The following PTPN13 variants were observed in gnomAD, a reference collection of about 807,000 sequenced individuals.
The protein encoded by PTPN13 is tyrosine-protein phosphatase non-receptor type 13.
PTPN13 carries 191 observed loss-of-function variants against 284.0 expected under a neutral mutation model. That is an observed-to-expected ratio of 0.67 (90% confidence interval 0.60 to 0.76). The LOEUF (loss-of-function observed/expected upper bound fraction) is 0.76. PTPN13 is among the 30% of genes least tolerant of loss of function. The pLI, the probability that PTPN13 is intolerant of heterozygous loss-of-function variation, is 0.00. For synonymous variants in PTPN13, 986 were observed against 1,022.3 expected, an observed-to-expected ratio of 0.96 and a Z score of 0.68; for missense variants, 2,797 against 2,939.9, an observed-to-expected ratio of 0.95 and a Z score of 1.12.
At chr4:86,638,281 C>T (rs1267619088) in intron 2 of PTPN13, among the ~76,000 whole-genome samples, 2 of 152,116 alleles carry the variant, frequency 1.3e-5, no homozygotes, top group Non-Finnish European at 2.9e-5. Flanking sequence ...TCAATGCCAT[C>T]CCCATCAAGC....
At chr4:86,616,910 G>T (rs1720613264) in intron 1 of PTPN13, among the ~76,000 whole-genome samples, 1 of 152,176 alleles carries the variant, frequency 6.6e-6, no homozygotes, top group Non-Finnish European at 1.5e-5. Flanking sequence ...TTAATTAAGA[G>T]TCACCAAGAC....
intron 35 of PTPN13, among the ~76,000 whole-genome samples, chr4:86,778,785 A>C (rs1267275888): frequency 6.6e-6 from 1 of 152,178 alleles, no homozygotes; most frequent in Non-Finnish European, 1.5e-5. Flanking sequence ...CGTTAAATTT[A>C]CAGATTTTTT....
chr4:86,746,472 G>C (rs538674937), intron 17 of PTPN13, among the ~76,000 whole-genome samples: 11 of 152,204 alleles, frequency 7.2e-5, no homozygotes, highest in African/African-American at 2.4e-4. Flanking sequence ...CCTATGACTA[G>C]ATGTTTCTCA....
chr4:86,758,865 A>G, intron 22 of PTPN13, 77 bp from the exon 23 acceptor site: 1 of 1,583,314 alleles, frequency 6.3e-7, no homozygotes, highest in East Asian at 2.2e-5. Flanking sequence ...AAAATAATTG[A>G]GAAAGAGATG....
intron 3 of PTPN13, 63 bp from the exon 4 acceptor site, chr4:86,686,647 G>A (rs1243008508): frequency 9.7e-7 from 1 of 1,027,444 alleles, no homozygotes; most frequent in Non-Finnish European, 1.4e-6. Flanking sequence ...TGTTTTTATA[G>A]CACTTGCTTA....
At chr4:86,643,789 A>C (rs1487582119) in intron 2 of PTPN13, among the ~76,000 whole-genome samples, 2 of 152,180 alleles carry the variant, frequency 1.3e-5, no homozygotes, top group Non-Finnish European at 2.9e-5. Context: ...GACTTATAGG[A>C]GTTAGTATTG....
chr4:86,762,993 T>C lies in PTPN13; in HGVS notation c.3820T>C (p.Trp1274Arg). Residue 1274 changes from tryptophan to arginine, a missense_variant, in exon 24 of 48, where the codon TGG becomes CGG. Physicochemically the swap from Trp to Arg is moderately radical, Grantham distance 101 (BLOSUM62 -3). Coordinates refer to ENST00000411767, the MANE Select transcript of PTPN13 (RefSeq NM_080683.3). The part of the protein sequence containing the change: ...FFASHLGDQT[W>R]QESQHGSPSP... ...TGCCAGCCATTTAGGTGACCAAACC[T>C]GGCAGGAATCACAGCATGGCAGCCC... 1 of 1,613,872 alleles carries C rather than the reference T, an allele frequency of 6.2e-7. No individual in the cohort carries two copies. Among genetic ancestry groups the C allele is most frequent in the Non-Finnish European group, 8.5e-7 (1 of 1,179,844 alleles).
intron 19 of PTPN13, among the ~76,000 whole-genome samples, chr4:86,752,316 A>C (rs1405183840): frequency 6.6e-6 from 1 of 152,216 alleles, no homozygotes; most frequent in East Asian, 1.9e-4. Flanking sequence ...TGAAGACAAA[A>C]GACAATTCTG....
At chr4:86,618,098 T>A (rs1720778434) in intron 1 of PTPN13, among the ~76,000 whole-genome samples, 1 of 152,160 alleles carries the variant, frequency 6.6e-6, no homozygotes, top group Non-Finnish European at 1.5e-5. Flanking sequence ...TGAATTAATT[T>A]TTGTATAAGG....
chr4:86,662,566 A>G (rs143194622), intron 2 of PTPN13, among the ~76,000 whole-genome samples: 7,093 of 152,166 alleles, frequency 0.047, 222 homozygotes, highest in African/African-American at 0.061. Flanking sequence ...TCTTGACCTC[A>G]TGATCCACCT....
intron 23 of PTPN13, among the ~76,000 whole-genome samples, chr4:86,761,157 T>TATATAC (rs914107792): frequency 2.1e-5 from 3 of 145,954 alleles, no homozygotes; most frequent in Non-Finnish European, 4.5e-5. Context: ...TATATATATA[T>TATATAC]ATATATATAT....
intron 16 of PTPN13, among the ~76,000 whole-genome samples, chr4:86,742,109 T>C (rs1736230044): frequency 6.6e-6 from 1 of 152,236 alleles, no homozygotes; most frequent in Non-Finnish European, 1.5e-5. Flanking sequence ...GAATTTATTC[T>C]AGGGTTGTAA....
At chr4:86,678,854 A>G (rs1011032070) in intron 3 of PTPN13, among the ~76,000 whole-genome samples, 2 of 152,206 alleles carry the variant, frequency 1.3e-5, no homozygotes, top group Admixed American at 1.3e-4. Flanking sequence ...AGTTCAGTCC[A>G]TCACAAATGA....
chr4:86,715,347 TTGTG>T (rs1732899243), intron 7 of PTPN13, among the ~76,000 whole-genome samples: 1 of 152,182 alleles, frequency 6.6e-6, no homozygotes, highest in African/African-American at 2.4e-5. Flanking sequence ...CTTTTATATA[TTGTG>T]TGTATGTGTA....
chr4:86,745,863 G>A (rs1009714581), intron 17 of PTPN13, among the ~76,000 whole-genome samples: 5 of 152,170 alleles, frequency 3.3e-5, no homozygotes, highest in Non-Finnish European at 5.9e-5. Flanking sequence ...TCAGAGACTA[G>A]AGTACTGGAC....
chr4:86,635,871 G>A (rs892075070), intron 2 of PTPN13, among the ~76,000 whole-genome samples: 1 of 152,124 alleles, frequency 6.6e-6, no homozygotes, highest in Non-Finnish European at 1.5e-5. Context: ...GCTGAGGCAG[G>A]AGAATCACTT....
intron 28 of PTPN13, among the ~76,000 whole-genome samples, chr4:86,768,608 T>C (rs28535818): frequency 0.082 from 12,475 of 151,986 alleles, 654 homozygotes; most frequent in Non-Finnish European, 0.11. Flanking sequence ...CCCAAAATAA[T>C]GAGAAAAAAT....
At chr4:86,625,708 G>T (rs1432527539) in intron 1 of PTPN13, among the ~76,000 whole-genome samples, 2 of 152,070 alleles carry the variant, frequency 1.3e-5, no homozygotes, top group Non-Finnish European at 2.9e-5. Flanking sequence ...CTTCCTGGTC[G>T]TTGGCTGGGA....
intron 2 of PTPN13, among the ~76,000 whole-genome samples, chr4:86,657,157 G>A (rs951118347): frequency 4.6e-5 from 7 of 152,146 alleles, no homozygotes; most frequent in Non-Finnish European, 8.8e-5. Context: ...GGAATTCCCC[G>A]ACCCCTTGCA....
Sources: allele counts gnomAD v4.1 joint callset (sites outside exome capture counted in the v4.1 genomes callset), GRCh38; gene constraint gnomAD v4.1.1; transcripts MANE v1.5; gene names NCBI Gene and HGNC (gene_info 2026-07-23, HGNC 2026-07-21).